CPEB3: variants seen among roughly 807,000 people sequenced by gnomAD.
CPEB3 encodes cytoplasmic polyadenylation element binding protein 3.
In CPEB3, 20 loss-of-function variants were observed where a neutral mutation model predicts 67.2. The observed-to-expected ratio is 0.30, with a 90% confidence interval of 0.21 to 0.43. CPEB3 has a LOEUF of 0.43. Ranked by LOEUF, CPEB3 falls within the 20% of genes least tolerant of loss-of-function variation. The pLI is 1.00. For missense variants in CPEB3, 746 were observed against 968.6 expected (o/e 0.77, Z 3.05); for synonymous variants, 376 against 393.1 (o/e 0.96, Z 0.51).
chr10:92,233,970 G>T (rs1851399733), intron 2 of CPEB3, among the ~76,000 whole-genome samples: 1 of 152,016 alleles, frequency 6.6e-6, no homozygotes, highest in African/African-American at 2.4e-5. Context: ...AGCCAGGCAT[G>T]GTGGCACGTG....
At chr10:92,204,836 CTTTT>C (rs750482213) in intron 2 of CPEB3, among the ~76,000 whole-genome samples, 2 of 125,058 alleles carry the variant, frequency 1.6e-5, no homozygotes, top group African/African-American at 3.1e-5. Context: ...ATCTTAACCA[CTTTT>C]TTTTTTTTTT....
At chr10:92,151,614 G>A (rs1199991699) in intron 4 of CPEB3, among the ~76,000 whole-genome samples, 1 of 152,038 alleles carries the variant, frequency 6.6e-6, no homozygotes, top group Non-Finnish European at 1.5e-5. Context: ...TTAATATCTG[G>A]TATTTCTTAG....
chr10:92,096,174 C>A (rs547399532), intron 7 of CPEB3, among the ~76,000 whole-genome samples: 1 of 151,674 alleles, frequency 6.6e-6, no homozygotes, highest in African/African-American at 2.4e-5. Flanking sequence ...CATGCCCAGC[C>A]TAGAATATAT....
intron 4 of CPEB3, among the ~76,000 whole-genome samples, chr10:92,146,919 G>T (rs910261432): frequency 1.3e-5 from 2 of 152,132 alleles, no homozygotes; most frequent in Non-Finnish European, 2.9e-5. Context: ...GAGCTGACAG[G>T]TTTGCTTTAT....
intron 2 of CPEB3, among the ~76,000 whole-genome samples, chr10:92,193,377 T>C (rs909234316): frequency 4.6e-5 from 7 of 152,160 alleles, no homozygotes; most frequent in Non-Finnish European, 1.0e-4. Context: ...TCAAGTTAAT[T>C]GGTTTTGCTC....
intron 1 of CPEB3, among the ~76,000 whole-genome samples, chr10:92,261,846 TC>T (rs1280468167): frequency 5.3e-5 from 8 of 152,170 alleles, no homozygotes; most frequent in Non-Finnish European, 1.0e-4. Context: ...AAATCCAGGC[TC>T]AGATATGTTA....
At chr10:92,243,038 T>G (rs1322910333) in intron 1 of CPEB3, 1 of 152,260 alleles carries the variant, frequency 6.6e-6, no homozygotes, top group African/African-American at 2.4e-5. Context: ...TTTTTGTTTT[T>G]GTTTTTGTTT....
chr10:92,279,792 T>C (rs1200193187), intron 1 of CPEB3, among the ~76,000 whole-genome samples: 1 of 152,040 alleles, frequency 6.6e-6, no homozygotes, highest in Non-Finnish European at 1.5e-5. Flanking sequence ...GCTCGATCTC[T>C]TGAACCCAGG....
chr10:92,083,260 G>C (rs1843230000), intron 8 of CPEB3, among the ~76,000 whole-genome samples: 1 of 152,216 alleles, frequency 6.6e-6, no homozygotes, highest in South Asian at 2.1e-4. Context: ...CTAAGAGTAA[G>C]TGCTATTAAA....
chr10:92,236,826 T>C (rs1297097934), intron 2 of CPEB3, among the ~76,000 whole-genome samples: 1 of 152,156 alleles, frequency 6.6e-6, no homozygotes. Context: ...TCAAAATCTA[T>C]TGTGTTGGCA....
intron 8 of CPEB3, among the ~76,000 whole-genome samples, chr10:92,082,980 G>A (rs1031601421): frequency 6.6e-6 from 1 of 152,100 alleles, no homozygotes; most frequent in African/African-American, 2.4e-5. Context: ...AAAGGGTGAA[G>A]GGCTGAATAG....
chr10:92,103,998 G>A lies in CPEB3; in HGVS notation c.1572+7078C>T, dbSNP rs556842296. 2.6e-5 allele frequency among the ~76,000 whole-genome samples: 4 copies of A among 152,298 alleles called. No individual in the cohort carries two copies. In the South Asian group the frequency reaches 8.3e-4, roughly 32 times the overall value. ...GCCTATTCTTTGAATGAGCTTCATG[G>A]AATACTAATTCCACAGGAATCTGCA... On this transcript the variant is annotated intron_variant, in intron 7 of 9. Coordinates refer to ENST00000265997, the MANE Select transcript of CPEB3 (RefSeq NM_014912.5).
intron 6 of CPEB3, among the ~76,000 whole-genome samples, chr10:92,121,112 G>A (rs1293460747): frequency 4.0e-5 from 6 of 151,698 alleles, no homozygotes; most frequent in African/African-American, 1.5e-4. Flanking sequence ...GGGTTCAAGA[G>A]ATTCTCCTGC....
intron 8 of CPEB3, among the ~76,000 whole-genome samples, chr10:92,089,306 T>C (rs949119448): frequency 1.3e-5 from 2 of 152,162 alleles, no homozygotes; most frequent in African/African-American, 4.8e-5. Context: ...ACTAGAAGTC[T>C]TGGGATGAAT....
intron 7 of CPEB3, among the ~76,000 whole-genome samples, chr10:92,108,933 C>T (rs1308768888): frequency 6.6e-6 from 1 of 152,172 alleles, no homozygotes; most frequent in African/African-American, 2.4e-5. Flanking sequence ...CAAGAGACAT[C>T]CTGTCCAGCT....
chr10:92,118,734 C>T, intron 6 of CPEB3: 5 of 745,452 alleles, frequency 6.7e-6, no homozygotes, highest in Admixed American at 1.8e-5. Context: ...ATCAGAAATG[C>T]TGTTCCTTTG....
At chr10:92,198,699 A>G (rs2134223651) in intron 2 of CPEB3, among the ~76,000 whole-genome samples, 1 of 152,360 alleles carries the variant, frequency 6.6e-6, no homozygotes, top group Middle Eastern at 3.4e-3. Context: ...TCCTCACTAC[A>G]ACGCTGCAGA....
At position 92,285,925 on chromosome 10, in the gene CPEB3, ACT is replaced by A. The variant is rs199948539; in HGVS notation, c.-12+4999_-12+5000del. Among the ~76,000 whole-genome samples the A allele has an allele frequency of 9.9e-3, 1,480 of 149,468 alleles. 24 individuals carry two copies. The highest frequency in any genetic ancestry group is 0.034 in the African/African-American group (1,382 of 40,580). ...TCATTATACAATATTTCATTATTAT[ACT>A]CTGTTTTATTTGCTTTTTTCTTTTT... On this transcript the variant is annotated intron_variant, in intron 1 of 9. Transcript: ENST00000265997.
At chr10:92,133,922 G>A (rs1845964164) in intron 6 of CPEB3, among the ~76,000 whole-genome samples, 2 of 151,748 alleles carry the variant, frequency 1.3e-5, no homozygotes, top group Admixed American at 6.6e-5. Context: ...AAAAAACCAC[G>A]ATTATCTCAA....
Sources: gnomAD v4.1 joint callset for allele counts (sites outside exome capture counted in the v4.1 genomes callset) on GRCh38, gnomAD v4.1.1 for gene constraint, MANE v1.5 for transcripts, NCBI Gene and HGNC (gene_info 2026-07-23, HGNC 2026-07-21) for gene names.